The following SYNJ1 variants were observed in gnomAD, a reference collection of about 807,000 sequenced individuals.
SYNJ1 encodes polyphosphatidylinositol phosphatase SYNJ1.
A neutral mutation model predicts 168.2 loss-of-function variants in SYNJ1; 78 were observed. The observed-to-expected ratio is 0.46, with a 90% CI of 0.39 to 0.56. SYNJ1 has a LOEUF of 0.56. Ranked by LOEUF, SYNJ1 falls within the 20% of genes least tolerant of loss-of-function variation. The pLI is 0.00. For missense variants in SYNJ1, 1,303 were observed against 1,597.6 expected, an observed-to-expected ratio of 0.82 and a Z score of 3.14; for synonymous variants, 539 against 548.6, an observed-to-expected ratio of 0.98 and a Z score of 0.24.
In SYNJ1 at chr21:32,643,398, G is replaced by A. The variant is rs2145756030; in HGVS notation, c.3478+12C>T. On this transcript the variant is annotated intron_variant, in intron 27 of 32. Coordinates refer to ENST00000674351, the MANE Select transcript of SYNJ1 (RefSeq NM_203446.3). ...TGAGAGAACCACTTCTATAATGCAA[G>A]AGTCTTGTTACCTTCCATCTCTCTC... 6.2e-7 allele frequency: 1 copy of A among 1,613,558 alleles called. No homozygotes were observed. Among genetic ancestry groups the A allele is most frequent in the Non-Finnish European group, 8.5e-7 (1 of 1,179,712 alleles).
At chr21:32,675,048 C>T (rs2041349746) in intron 13 of SYNJ1, among the ~76,000 whole-genome samples, 1 of 152,106 alleles carries the variant, frequency 6.6e-6, no homozygotes, top group African/African-American at 2.4e-5. Context: ...GATTACTTGT[C>T]TGGCCTGTTG....
At chr21:32,639,923 G>T in intron 29 of SYNJ1, 144 bp from the exon 30 acceptor site, 1 of 634,954 alleles carries the variant, frequency 1.6e-6, no homozygotes, top group Non-Finnish European at 2.7e-6. Flanking sequence ...TCTACTTGAA[G>T]CCATTATAAT....
chr21:32,671,092 T>C (rs955381641), intron 14 of SYNJ1, among the ~76,000 whole-genome samples: 2 of 152,114 alleles, frequency 1.3e-5, no homozygotes, highest in Non-Finnish European at 2.9e-5. Flanking sequence ...GAGGATCACT[T>C]GAAGCCAGGA....
intron 29 of SYNJ1, among the ~76,000 whole-genome samples, chr21:32,640,729 T>A (rs1281780703): frequency 6.6e-6 from 1 of 152,208 alleles, no homozygotes; most frequent in Non-Finnish European, 1.5e-5. Flanking sequence ...CACCCAGCCA[T>A]ATATATTGCT....
intron 2 of SYNJ1, among the ~76,000 whole-genome samples, chr21:32,707,061 T>C (rs1358520643): frequency 1.3e-5 from 2 of 152,104 alleles, no homozygotes; most frequent in African/African-American, 4.8e-5. Context: ...CCACATTCTC[T>C]TCCCTTTCTC....
intron 2 of SYNJ1, 56 bp downstream of exon 2, chr21:32,726,716 A>G: frequency 6.3e-7 from 1 of 1,597,830 alleles, no homozygotes; most frequent in Non-Finnish European, 8.5e-7. Context: ...TTGCATCTGA[A>G]TTGTTTCAAA....
At chr21:32,640,763 T>C (rs1027220930) in intron 29 of SYNJ1, among the ~76,000 whole-genome samples, 3 of 152,212 alleles carry the variant, frequency 2.0e-5, no homozygotes, top group African/African-American at 7.2e-5. Context: ...GTACAACTTT[T>C]GAATGACTAA....
chr21:32,674,740 T>C (rs1010678645), intron 13 of SYNJ1, among the ~76,000 whole-genome samples: 2 of 152,142 alleles, frequency 1.3e-5, no homozygotes, highest in Admixed American at 6.5e-5. Flanking sequence ...CTGTACTTCA[T>C]TGGTAGCTAA....
At position 32,681,499 on chromosome 21, in the gene SYNJ1, C is replaced by T. The variant is rs916542573; in HGVS notation, c.1350G>A (p.Ala450=). ...YAGTGALEGK[A]KLKDGARSVT... is the part of the protein sequence containing the mutation. ...GTTATGATAGATCTAGATATACCTT[C>T]GCTTTCCCTTCAAGAGCTCCAGTTC... The change falls in exon 11 of 33, where the codon GCG becomes GCA. Residue 450 remains alanine (A), a synonymous_variant. Transcript: ENST00000674351. 5.0e-6 allele frequency: 8 copies of T among 1,611,536 alleles called. No individual in the cohort carries two copies. Among genetic ancestry groups the T allele is most frequent in the Admixed American group, 3.3e-5 (2 of 59,754 alleles).
intron 1 of SYNJ1, chr21:32,727,699 T>G: frequency 4.0e-6 from 3 of 744,710 alleles, no homozygotes; most frequent in East Asian, 3.4e-5. Context: ...CCCAGGCGGA[T>G]TCGGTTCGTT....
At chr21:32,657,533 A>G (rs1005835357) in intron 19 of SYNJ1, among the ~76,000 whole-genome samples, 183 bp downstream of exon 19, 4 of 152,252 alleles carry the variant, frequency 2.6e-5, no homozygotes, top group African/African-American at 9.6e-5. Context: ...AGGCTGAAAA[A>G]TTAAATAAGT....
chr21:32,648,890 C>CTT (rs1209872369), intron 23 of SYNJ1, among the ~76,000 whole-genome samples: 2 of 152,206 alleles, frequency 1.3e-5, no homozygotes, highest in Non-Finnish European at 2.9e-5. Context: ...CTCTGCATTT[C>CTT]TTTTCTTCAT....
chr21:32,651,853 G>A (rs1374054345), intron 22 of SYNJ1, among the ~76,000 whole-genome samples: 1 of 152,192 alleles, frequency 6.6e-6, no homozygotes, highest in Non-Finnish European at 1.5e-5. Flanking sequence ...TGAAATTAAT[G>A]AAGCCATTAA....
intron 3 of SYNJ1, 96 bp from the exon 4 acceptor site, chr21:32,700,201 G>C: frequency 7.2e-7 from 1 of 1,391,720 alleles, no homozygotes; most frequent in Non-Finnish European, 9.6e-7. Flanking sequence ...CTGACATTGT[G>C]ATTATTTTAA....
Position 32,646,473 on chromosome 21 carries a change from A to C in SYNJ1, c.3167T>G (p.Ile1056Arg), listed in dbSNP as rs757040942. Residue 1056 changes from isoleucine to arginine, a missense_variant, in exon 24 of 33, where the codon ATA becomes AGA. Coordinates refer to ENST00000674351, the MANE Select transcript of SYNJ1 (RefSeq NM_203446.3). The stretch of plus-strand genomic sequence containing the variant: ...AAGGGAAGGTACAGGACCCTCTGAT[A>C]TTGTAGGTGACTGGCAGGGACTAGT... Reference protein sequence around the residue: ...PRTSPCQSPTISEGPVPSLPI... With the variant: ...PRTSPCQSPTRSEGPVPSLPI... 3 of 1,614,142 alleles carry C rather than the reference A, an allele frequency of 1.9e-6. No individual in the cohort carries two copies. Among genetic ancestry groups the C allele is most frequent in the Non-Finnish European group, 2.5e-6 (3 of 1,180,026 alleles).
chr21:32,643,705 T>G (rs2039946261), intron 26 of SYNJ1, among the ~76,000 whole-genome samples: 1 of 152,240 alleles, frequency 6.6e-6, no homozygotes, highest in Non-Finnish European at 1.5e-5. Context: ...TGTATGCAAT[T>G]ACTACCAGTA....
In SYNJ1 at chr21:32,657,761, C is replaced by A; in HGVS notation, c.2416G>T (p.Asp806Tyr). Residue 806 changes from aspartate (D) to tyrosine (Y), a missense_variant, in exon 19 of 33, where the codon GAC becomes TAC. Physicochemically the swap from Asp to Tyr is radical, Grantham distance 160. Transcript: ENST00000674351. ...TTCCTCCTTCTCCAAAGGACACGGT[C>A]TGTCCAGGCAGGGGTGCGGCACTTT... ...SEKCRTPAWT[D>Y]RVLWRRRKWP... 3 of 1,613,438 alleles carry A rather than the reference C, an allele frequency of 1.9e-6. No homozygotes were observed. The highest frequency in any genetic ancestry group is 1.1e-5 in the South Asian group (1 of 90,936).
rs112211745 is a variant in SYNJ1 at position 32,670,799 on chromosome 21, T to A, written c.1727-427A>T. On this transcript the variant is annotated intron_variant, in intron 14 of 32. Transcript: ENST00000674351. ...AGTTGGGAGGAATTTTTCACATTCA[T>A]ATTTGAAAAACATAATCTTGATCTT... The A allele has an allele frequency of 2.0e-4, 196 of 985,132 alleles. 2 individuals carry two copies. In the African/African-American group the frequency reaches 2.9e-3, roughly 14 times the overall value. 61.0% of individuals were successfully genotyped at this position (985,132 alleles called of 1,614,324 possible).
At chr21:32,664,673 G>C (rs1162934690) in intron 18 of SYNJ1, among the ~76,000 whole-genome samples, 1 of 152,146 alleles carries the variant, frequency 6.6e-6, no homozygotes, top group Non-Finnish European at 1.5e-5. Flanking sequence ...GGAGACGTGA[G>C]TCCGCTGCTG....
Sources: gnomAD v4.1 joint callset for allele counts (sites outside exome capture counted in the v4.1 genomes callset) on GRCh38, gnomAD v4.1.1 for gene constraint, MANE v1.5 for transcripts, NCBI Gene and HGNC (gene_info 2026-07-23, HGNC 2026-07-21) for gene names.